The following FBXO7 variants were observed in gnomAD, a reference collection of about 807,000 sequenced individuals.
FBXO7 encodes the protein F-box only protein 7.
Under a neutral mutation model 50.2 loss-of-function variants are expected in FBXO7, and 31 were observed. The observed-to-expected ratio is 0.62, with a 90% confidence interval of 0.46 to 0.83. The LOEUF is 0.83. Among genes scored for constraint, FBXO7 ranks in the 40% least tolerant of loss-of-function variants. FBXO7 has a pLI of 0.00. For synonymous variants in FBXO7, 256 were observed against 253.1 expected, an observed-to-expected ratio of 1.01 and a Z score of -0.11; for missense variants, 667 against 646.6, an observed-to-expected ratio of 1.03 and a Z score of -0.34.
intron 5 of FBXO7, chr22:32,490,582 G>GA (rs1358282295): frequency 1.9e-5 from 3 of 160,470 alleles, no homozygotes; most frequent in Admixed American, 6.1e-5. Flanking sequence ...TGGGGCCTTG[G>GA]ACAGGCTTTC....
Position 32,485,188 on chromosome 22 carries a change from G to C in FBXO7, c.766G>C (p.Gly256Arg), listed in dbSNP as rs1393302478. ...SSATLTCVPLGNLIVVNATLK... is the reference protein window; with the variant it reads ...SSATLTCVPLRNLIVVNATLK... ...CGCTACTCTCACCTGTGTGCCTTTG[G>C]GAAACCTGATTGTTGTAAATGGTAA... is the stretch of plus-strand genomic sequence containing the variant. Residue 256 changes from glycine to arginine, a missense_variant, in exon 4 of 9, where the codon GGA becomes CGA. Coordinates refer to ENST00000266087, the MANE Select transcript of FBXO7 (RefSeq NM_012179.4). 1 of 1,614,152 alleles carries C rather than the reference G, an allele frequency of 6.2e-7. No individual in the cohort carries two copies. Among genetic ancestry groups the C allele is most frequent in the South Asian group, 1.1e-5 (1 of 91,082 alleles).
At chr22:32,495,628 G>A (rs1194096717) in intron 8 of FBXO7, 98 bp downstream of exon 8, 2 of 556,430 alleles carry the variant, frequency 3.6e-6, no homozygotes, top group Non-Finnish European at 6.0e-6. Flanking sequence ...ATGATGTAGT[G>A]AAATCTGTTT....
rs1181071435 is a variant in FBXO7, at chr22:32,480,854, TG to T, written c.417+1583del. Among the ~76,000 whole-genome samples the T allele has an allele frequency of 2.0e-5, 3 of 152,008 alleles. No homozygotes were observed. In the East Asian group the frequency reaches 5.8e-4, roughly 29 times the overall value. On this transcript the variant is annotated intron_variant, in intron 2 of 8. Coordinates refer to ENST00000266087, the MANE Select transcript of FBXO7 (RefSeq NM_012179.4). ...CTAATTTTTGTATTTTTGGTAGAGA[TG>T]GGGTTTCACCATGTTGCTCAGGCTG...
At chr22:32,497,268 C>T (rs545982937) in intron 8 of FBXO7, among the ~76,000 whole-genome samples, 1 of 152,264 alleles carries the variant, frequency 6.6e-6, no homozygotes, top group African/African-American at 2.4e-5. Context: ...AAGCAGTGTA[C>T]AACTGTACCC....
chr22:32,498,123 T>G, intron 8 of FBXO7, 21 bp from the exon 9 acceptor site: 1 of 1,613,652 alleles, frequency 6.2e-7, no homozygotes, highest in Non-Finnish European at 8.5e-7. Flanking sequence ...TCTTGTTCTT[T>G]TATTTTTCTT....
Position 32,485,064 on chromosome 22 carries a change from C to T in FBXO7, c.646-4C>T, listed in dbSNP as rs2057489623. The T allele has an allele frequency of 6.2e-7, 1 of 1,614,004 alleles. No individual in the cohort carries two copies. Among genetic ancestry groups the T allele is most frequent in the Non-Finnish European group, 8.5e-7 (1 of 1,179,984 alleles). On this transcript the variant is annotated splice_region_variant and splice_polypyrimidine_tract_variant and intron_variant, in intron 3 of 8. Coordinates refer to ENST00000266087, the MANE Select transcript of FBXO7 (RefSeq NM_012179.4). ...ATTTGTTTCCCTTTCATTTCGTTCC[C>T]CAGGGCACCGAAGCCAAAGCACTGT...
Position 32,485,468 on chromosome 22 carries a change from G to C in FBXO7, c.787+259G>C, listed in dbSNP as rs183741340. ...TTAATCTTTGTAATATTTTGCTCTG[G>C]GGGATAATATTTAATATTATCCAAT... On this transcript the variant is annotated intron_variant, in intron 4 of 8. Coordinates refer to ENST00000266087, the MANE Select transcript of FBXO7 (RefSeq NM_012179.4). Among the ~76,000 whole-genome samples, 31 of 152,080 alleles carry C rather than the reference G, an allele frequency of 2.0e-4. No homozygotes were observed. In the East Asian group the frequency reaches 5.4e-3, roughly 27 times the overall value.
In FBXO7 at chr22:32,479,401, C is replaced by CT. The variant is rs5845002; in HGVS notation, c.417+141dup. 84,720 of 567,364 alleles carry CT rather than the reference C, an allele frequency of 0.15. 2,044 individuals are homozygous for CT. The highest frequency in any genetic ancestry group is 0.19 in the Non-Finnish European group (67,584 of 363,314). The allele number at this position is 567,364 out of a possible 1,614,324, so 35.1% of individuals were successfully genotyped here. On this transcript the variant is annotated intron_variant, in intron 2 of 8. Transcript: ENST00000266087. ...TTGCACATTTTATATATATTTTTTT[C>CT]TTTTTTTTTTTTTTTGAGACAGAGT...
rs758087537 is a variant in FBXO7 at position 32,493,200 on chromosome 22, TTGTC to T, written c.1066_1069del (p.Ser356ArgfsTer56). ...TCTGGATGTTCGTTCCGTCTTGTCTTTGTCTGCGGTTTGTCGTGACCTCTTTACT... is the reference window on the plus strand; with the variant it reads ...TCTGGATGTTCGTTCCGTCTTGTCTTTGCGGTTTGTCGTGACCTCTTTACT... On this transcript the variant is annotated frameshift_variant, in exon 7 of 9. Transcript: ENST00000266087. LOFTEE classifies it high-confidence loss of function. 2 of 1,614,214 alleles carry T rather than the reference TTGTC, an allele frequency of 1.2e-6. No homozygotes were observed. Among genetic ancestry groups the T allele is most frequent in the East Asian group, 2.2e-5 (1 of 44,880 alleles).
chr22:32,494,886 T>G lies in FBXO7; in HGVS notation c.1145-607T>G, dbSNP rs547813166. Among the ~76,000 whole-genome samples, 4 of 152,368 alleles carry G rather than the reference T, an allele frequency of 2.6e-5. No individual in the cohort carries two copies. The South Asian group carries it at 8.3e-4, about 32-fold the overall frequency. ...AGAAGATATCATCTTTTATTCAAAC[T>G]CTTTTGTATACTTAAAGTTGAATGG... is the stretch of plus-strand genomic sequence containing the variant. On this transcript the variant is annotated intron_variant, in intron 7 of 8. Coordinates refer to ENST00000266087, the MANE Select transcript of FBXO7 (RefSeq NM_012179.4).
At chr22:32,479,458 C>T (rs1316398965) in intron 2 of FBXO7, among the ~76,000 whole-genome samples, 183 bp downstream of exon 2, 1 of 147,798 alleles carries the variant, frequency 6.8e-6, no homozygotes. Flanking sequence ...AGTGCAGTGG[C>T]GCAATCTCTG....
chr22:32,477,604 T>G (rs2057437154), intron 1 of FBXO7, among the ~76,000 whole-genome samples: 1 of 152,170 alleles, frequency 6.6e-6, no homozygotes, highest in Admixed American at 6.5e-5. Flanking sequence ...AGTAGAAGGG[T>G]GAATTTAGCT....
intron 4 of FBXO7, among the ~76,000 whole-genome samples, chr22:32,485,533 A>G (rs1326297538): frequency 1.3e-5 from 2 of 152,196 alleles, no homozygotes; most frequent in Admixed American, 1.3e-4. Context: ...TGAGCCTATT[A>G]CACATGAACT....
At chr22:32,487,439 T>C (rs1029731615) in intron 4 of FBXO7, 1 of 231,984 alleles carries the variant, frequency 4.3e-6, no homozygotes, top group Non-Finnish European at 8.5e-6. Context: ...TTATTGTGTT[T>C]AGTTGCCTCT....
At position 32,484,116 on chromosome 22, in the gene FBXO7, A is replaced by G. The variant is rs2057483231; in HGVS notation, c.637A>G (p.Ile213Val). The G allele has an allele frequency of 6.2e-7, 1 of 1,612,690 alleles. No individual in the cohort carries two copies. Residue 213 changes from isoleucine to valine, a missense_variant, in exon 3 of 9, where the codon ATA (isoleucine) becomes GTA (valine). By Grantham distance (29) the Ile-to-Val change is conservative (BLOSUM62 3). Transcript: ENST00000266087. ...IHLLMLESGYIPQGTEAKALS... is the reference protein window; with the variant it reads ...IHLLMLESGYVPQGTEAKALS... ...TCTTCTCATGTTGGAGTCAGGTTAC[A>G]TACCTCAGGTAAGTACTGCAAGCAA...
intron 2 of FBXO7, among the ~76,000 whole-genome samples, chr22:32,482,613 T>G (rs1321464951): frequency 6.6e-6 from 1 of 152,256 alleles, no homozygotes; most frequent in Non-Finnish European, 1.5e-5. Flanking sequence ...ATTATGTTAT[T>G]TAATCTTTCT....
chr22:32,497,220 T>C (rs952674557), intron 8 of FBXO7, among the ~76,000 whole-genome samples: 2 of 152,182 alleles, frequency 1.3e-5, no homozygotes, highest in Admixed American at 1.3e-4. Context: ...ATGAGTTCTT[T>C]AGTGGTGATT....
rs1261530011 is a variant in FBXO7 at position 32,498,557 on chromosome 22, T to C, written c.*27T>C. The stretch of plus-strand genomic sequence containing the variant: ...TGATTTGTAATTTCATTTCTGGAGC[T>C]CCATTTGTTTTTGTTTCTAAACTAC... On this transcript the variant is annotated 3_prime_UTR_variant, in exon 9 of 9. Coordinates refer to ENST00000266087, the MANE Select transcript of FBXO7 (RefSeq NM_012179.4). 1 of 1,603,330 alleles carries C rather than the reference T, an allele frequency of 6.2e-7. No individual in the cohort carries two copies.
At chr22:32,494,393 T>C (rs79802027) in intron 7 of FBXO7, among the ~76,000 whole-genome samples, 1,716 of 152,176 alleles carry the variant, frequency 0.011, 37 homozygotes, top group African/African-American at 0.038. Context: ...TGCCCTGGAG[T>C]GCAGTGGCGC....
Sources: allele counts gnomAD v4.1 joint callset (sites outside exome capture counted in the v4.1 genomes callset), GRCh38; gene constraint gnomAD v4.1.1; transcripts MANE v1.5; gene names NCBI Gene and HGNC (gene_info 2026-07-23, HGNC 2026-07-21).